The following ZPBP variants were observed in gnomAD, a reference collection of about 807,000 sequenced individuals.
The protein encoded by ZPBP is zona pellucida binding protein.
A neutral mutation model predicts 44.8 loss-of-function variants in ZPBP; 26 were observed. That is an observed-to-expected ratio of 0.58 (90% CI 0.43 to 0.81). The LOEUF (loss-of-function observed/expected upper bound fraction) is 0.81, where lower values mean the gene tolerates loss of function less well. ZPBP is among the 30% of genes least tolerant of loss of function. ZPBP has a pLI of 0.00. For missense variants in ZPBP, 409 were observed against 434.0 expected (o/e 0.94, Z 0.51); for synonymous variants, 174 against 153.2 (o/e 1.14, Z -1.00).
intron 7 of ZPBP, chr7:49,944,019 T>C (rs1794996192): frequency 3.8e-6 from 1 of 266,444 alleles, no homozygotes; most frequent in African/African-American, 2.3e-5. Flanking sequence ...CAAATGTAGT[T>C]TTAAAACTTT....
At chr7:50,053,806 T>C (rs1282390946) in intron 4 of ZPBP, among the ~76,000 whole-genome samples, 1 of 152,200 alleles carries the variant, frequency 6.6e-6, no homozygotes, top group Non-Finnish European at 1.5e-5. Flanking sequence ...CATTGCTCTT[T>C]GTCTAACAAA....
chr7:50,018,187 G>T, intron 6 of ZPBP, 53 bp downstream of exon 6: 1 of 1,309,332 alleles, frequency 7.6e-7, no homozygotes, highest in South Asian at 1.2e-5. Flanking sequence ...ACTTACACAT[G>T]GGGCATGTTC....
At chr7:49,887,156 T>C (rs1791939346) in intron 2 of ZPBP, among the ~76,000 whole-genome samples, 1 of 152,226 alleles carries the variant, frequency 6.6e-6, no homozygotes, top group African/African-American at 2.4e-5. Context: ...TGCTTTATCC[T>C]GATCGATGAT....
At chr7:49,988,359 C>G (rs1310315933) in intron 6 of ZPBP, among the ~76,000 whole-genome samples, 1 of 152,138 alleles carries the variant, frequency 6.6e-6, no homozygotes, top group Non-Finnish European at 1.5e-5. Context: ...TTAGATGCTA[C>G]AGAGGGCCCC....
chr7:50,088,317 A>G (rs1202278283), intron 2 of ZPBP, among the ~76,000 whole-genome samples: 1 of 152,190 alleles, frequency 6.6e-6, no homozygotes, highest in East Asian at 1.9e-4. Context: ...TTAAAACTAC[A>G]ACATTCTTAT....
intron 7 of ZPBP, among the ~76,000 whole-genome samples, chr7:49,957,438 G>C (rs560712107): frequency 1.2e-4 from 18 of 152,282 alleles, no homozygotes; most frequent in Middle Eastern, 3.4e-3. Context: ...GGACATCGAG[G>C]CTTGCTTCCC....
intron 6 of ZPBP, among the ~76,000 whole-genome samples, chr7:49,998,347 G>T (rs890822140): frequency 6.6e-6 from 1 of 152,166 alleles, no homozygotes; most frequent in African/African-American, 2.4e-5. Context: ...AAGACTCTCC[G>T]CTTCAGGGCA....
At chr7:50,044,831 T>C (rs1800266133) in intron 4 of ZPBP, among the ~76,000 whole-genome samples, 2 of 152,162 alleles carry the variant, frequency 1.3e-5, no homozygotes, top group South Asian at 4.1e-4. Flanking sequence ...GGCATACTCC[T>C]GATATCAAAA....
At chr7:49,904,510 A>G (rs1052297165) in intron 1 of ZPBP, among the ~76,000 whole-genome samples, 4 of 152,214 alleles carry the variant, frequency 2.6e-5, no homozygotes, top group African/African-American at 9.6e-5. Context: ...CAATCTCACA[A>G]CTTGATTGAT....
intron 6 of ZPBP, among the ~76,000 whole-genome samples, chr7:49,986,719 G>A (rs1217048034): frequency 1.3e-5 from 2 of 152,028 alleles, no homozygotes; most frequent in African/African-American, 4.8e-5. Context: ...TACTAGGCCA[G>A]GACCCCAACT....
At chr7:50,053,613 T>G (rs1800793887) in intron 4 of ZPBP, among the ~76,000 whole-genome samples, 1 of 152,182 alleles carries the variant, frequency 6.6e-6, no homozygotes, top group Non-Finnish European at 1.5e-5. Context: ...TGTTAATATA[T>G]TATAGAAGAC....
In ZPBP at chr7:50,080,732, G is replaced by A. The variant is rs550786900; in HGVS notation, c.334+1042C>T. 3.3e-5 allele frequency among the ~76,000 whole-genome samples: 5 copies of A among 151,760 alleles called. No homozygotes were observed. In the South Asian group the frequency reaches 6.2e-4, roughly 19 times the overall value. On this transcript the variant is annotated intron_variant, in intron 3 of 7. Coordinates refer to ENST00000046087, the MANE Select transcript of ZPBP (RefSeq NM_007009.3). ...TATTTCCACTACTGGGTGCTTTTAC[G>A]CCTGGATCACTTCTCTGATTATATA...
Position 49,945,276 on chromosome 7 carries a change from T to C in ZPBP, c.962-7654A>G, listed in dbSNP as rs148238010. 5.9e-5 allele frequency among the ~76,000 whole-genome samples: 9 copies of C among 152,232 alleles called. No individual in the cohort carries two copies. In the East Asian group the frequency reaches 1.7e-3, roughly 29 times the overall value. On this transcript the variant is annotated intron_variant, in intron 7 of 7. Coordinates refer to ENST00000046087, the MANE Select transcript of ZPBP (RefSeq NM_007009.3). ...TTGTGGCCTAACATATGGCCTATCT[T>C]TGAGGATTATCCATGAGCTGAGGAG...
rs1043050575 is a variant in ZPBP, at chr7:49,983,484, T to C, written c.819A>G (p.Gln273=). The stretch of plus-strand genomic sequence containing the variant: ...CTGCACGTCTGCCAAGAATTTCTAC[T>C]TGTTGATTAAAAAATCTCTCTATGA... ...KNLIERFFNQ[Q]VEILGRRAEQ... The change falls in exon 7 of 8, where the codon CAA becomes CAG. Residue 273 remains glutamine (Q), a synonymous_variant. Coordinates refer to ENST00000046087, the MANE Select transcript of ZPBP (RefSeq NM_007009.3). 1.2e-6 allele frequency: 2 copies of C among 1,608,786 alleles called. No homozygotes were observed. The highest frequency in any genetic ancestry group is 1.7e-6 in the Non-Finnish European group (2 of 1,176,674).
intron 4 of ZPBP, among the ~76,000 whole-genome samples, chr7:50,035,204 C>T (rs1015568668): frequency 6.6e-6 from 1 of 152,158 alleles, no homozygotes; most frequent in Admixed American, 6.5e-5. Context: ...AAGCAAGGCC[C>T]CTAAGCCACC....
At chr7:49,854,769 TA>T (rs1401395258) in intron 2 of ZPBP, among the ~76,000 whole-genome samples, 1 of 152,248 alleles carries the variant, frequency 6.6e-6, no homozygotes. Flanking sequence ...TTTGGTGTTT[TA>T]GACATGAAGT....
chr7:49,934,250 G>T (rs903971198), downstream of ZPBP, among the ~76,000 whole-genome samples: 1 of 152,102 alleles, frequency 6.6e-6, no homozygotes, highest in African/African-American at 2.4e-5. Flanking sequence ...GTGCTGACTG[G>T]CTAAAAAGAA....
At chr7:49,992,098 G>A (rs1797600257) in intron 6 of ZPBP, among the ~76,000 whole-genome samples, 1 of 152,070 alleles carries the variant, frequency 6.6e-6, no homozygotes, top group African/African-American at 2.4e-5. Context: ...ATTCTTAGAG[G>A]GTGGTAGAGG....
chr7:50,024,926 T>C (rs1408567260), intron 5 of ZPBP, among the ~76,000 whole-genome samples: 2 of 152,080 alleles, frequency 1.3e-5, no homozygotes, highest in Non-Finnish European at 1.5e-5. Flanking sequence ...GTTATTTTAA[T>C]ATATACATAT....
Sources: allele counts gnomAD v4.1 joint callset (sites outside exome capture counted in the v4.1 genomes callset), GRCh38; gene constraint gnomAD v4.1.1; transcripts MANE v1.5; gene names NCBI Gene and HGNC (gene_info 2026-07-23, HGNC 2026-07-21).